PRELID2: variants seen among roughly 807,000 people sequenced by gnomAD.
PRELID2 encodes PRELI domain-containing protein 2.
A neutral mutation model predicts 28.4 loss-of-function variants in PRELID2; 25 were observed. That is an observed-to-expected ratio of 0.88 (90% confidence interval 0.64 to 1.23). PRELID2 has a LOEUF of 1.23. Ranked by LOEUF, PRELID2 falls within the 50% of genes most tolerant of loss-of-function variation. PRELID2 has a pLI of 0.00. For missense variants in PRELID2, 201 were observed against 214.4 expected (o/e 0.94, Z 0.39); for synonymous variants, 76 against 71.6 (o/e 1.06, Z -0.31).
At chr5:145,803,388 T>C (rs978156395) in intron 4 of PRELID2, among the ~76,000 whole-genome samples, 10 of 123,138 alleles carry the variant, frequency 8.1e-5, no homozygotes, top group East Asian at 2.6e-4. Flanking sequence ...AACATGTGTA[T>C]TTATACGTGT....
the PRELID2 span, among the ~76,000 whole-genome samples, chr5:145,298,666 G>A: frequency 0.4 from 61,155 of 151,804 alleles, 13,307 homozygotes; most frequent in African/African-American, 0.57. Flanking sequence ...GACAAATGCC[G>A]GTACGTGTCA....
intron 1 of PRELID2, among the ~76,000 whole-genome samples, chr5:145,676,214 C>T (rs1198266078): frequency 1.5e-5 from 2 of 131,296 alleles, no homozygotes; most frequent in African/African-American, 3.0e-5. Context: ...GAGCGAAACT[C>T]CATCTCAAAA....
At chr5:145,699,247 A>G (rs534505670) in intron 1 of PRELID2, among the ~76,000 whole-genome samples, 1 of 152,268 alleles carries the variant, frequency 6.6e-6, no homozygotes, top group South Asian at 2.1e-4. Context: ...GGGCAAAGCT[A>G]TGTGAATTAT....
At position 145,676,876 on chromosome 5, in the gene PRELID2, C is replaced by A. The variant is rs191849348; in HGVS notation, n.70+88055G>T. Among the ~76,000 whole-genome samples the A allele has an allele frequency of 1.1e-4, 17 of 152,172 alleles. No individual in the cohort carries two copies. The East Asian group carries it at 3.3e-3, about 29-fold the overall frequency. On this transcript the variant is annotated intron_variant and non_coding_transcript_variant, in intron 1 of 2. Coordinates refer to the PRELID2 transcript ENST00000510259. ...TTTAGACTACAAGAAACTCTACTGACAAAGTGACCAGATTTTTCAACAAAT... is the reference window on the plus strand; with the variant it reads ...TTTAGACTACAAGAAACTCTACTGAAAAAGTGACCAGATTTTTCAACAAAT...
the PRELID2 span, among the ~76,000 whole-genome samples, chr5:145,235,526 C>T: frequency 3.9e-5 from 6 of 152,244 alleles, no homozygotes; most frequent in South Asian, 1.2e-3. Flanking sequence ...GCACTCAAAT[C>T]GTCCCTGGTG....
chr5:145,515,876 C>A (rs902538521), intron 1 of PRELID2, among the ~76,000 whole-genome samples: 7 of 152,142 alleles, frequency 4.6e-5, no homozygotes, highest in African/African-American at 1.2e-4. Flanking sequence ...ATAAACAGAA[C>A]CAATGACAAA....
At chr5:145,341,928 G>A in the PRELID2 span, among the ~76,000 whole-genome samples, 1 of 152,134 alleles carries the variant, frequency 6.6e-6, no homozygotes, top group East Asian at 1.9e-4. Flanking sequence ...CAGATAAAAT[G>A]CAAAAGGATC....
intron 1 of PRELID2, among the ~76,000 whole-genome samples, chr5:145,682,766 G>A (rs544436251): frequency 9.9e-4 from 151 of 152,286 alleles, no homozygotes; most frequent in African/African-American, 3.3e-3. Context: ...ATAAATTAAA[G>A]AGCCCAGCAG....
intron 1 of PRELID2, among the ~76,000 whole-genome samples, chr5:145,547,382 T>C (rs1343242349): frequency 6.6e-6 from 1 of 152,134 alleles, no homozygotes; most frequent in Non-Finnish European, 1.5e-5. Flanking sequence ...ATTATCCACA[T>C]GGACCCGGCC....
the PRELID2 span, among the ~76,000 whole-genome samples, chr5:145,275,187 C>A: frequency 3.3e-5 from 5 of 151,946 alleles, no homozygotes; most frequent in Non-Finnish European, 5.9e-5. Context: ...AAACACAGGA[C>A]AAAAATTAAT....
chr5:145,686,406 T>G (rs1390157559), intron 1 of PRELID2, among the ~76,000 whole-genome samples: 1 of 152,114 alleles, frequency 6.6e-6, no homozygotes, highest in Non-Finnish European at 1.5e-5. Flanking sequence ...GCATAATAGA[T>G]GAAATTTCCC....
At chr5:145,615,318 C>CTTTT (rs1403386842) in intron 1 of PRELID2, among the ~76,000 whole-genome samples, 1 of 115,060 alleles carries the variant, frequency 8.7e-6, no homozygotes, top group African/African-American at 3.9e-5. Context: ...ATGTGAGTCT[C>CTTTT]TTTTTTTTGT....
chr5:145,784,144 C>T (rs1751830354), intron 5 of PRELID2, among the ~76,000 whole-genome samples: 1 of 150,596 alleles, frequency 6.6e-6, no homozygotes, highest in Non-Finnish European at 1.5e-5. Context: ...ATTAGCCGGG[C>T]ATGGTGGTGC....
the PRELID2 span, among the ~76,000 whole-genome samples, chr5:145,362,013 C>T: frequency 7.9e-5 from 12 of 152,170 alleles, no homozygotes; most frequent in African/African-American, 2.9e-4. Flanking sequence ...CATGATTCAA[C>T]AAGTACTTGG....
chr5:145,410,240 T>C, the PRELID2 span, among the ~76,000 whole-genome samples: 1 of 152,196 alleles, frequency 6.6e-6, no homozygotes, highest in Non-Finnish European at 1.5e-5. Flanking sequence ...CTCTTCTAGA[T>C]ATTGGCTTAG....
At chr5:145,638,461 A>G (rs1400085498) in intron 1 of PRELID2, among the ~76,000 whole-genome samples, 2 of 152,204 alleles carry the variant, frequency 1.3e-5, no homozygotes, top group Non-Finnish European at 2.9e-5. Flanking sequence ...ATTATTATCT[A>G]AAATTATTTT....
At chr5:145,796,640 A>C in intron 4 of PRELID2, 93 bp from the exon 5 acceptor site, 1 of 618,118 alleles carries the variant, frequency 1.6e-6, no homozygotes, top group Non-Finnish European at 2.7e-6. Flanking sequence ...ACCACTTATA[A>C]TCAATAAAAA....
At chr5:145,517,913 T>C (rs892269545) in intron 1 of PRELID2, among the ~76,000 whole-genome samples, 3 of 152,020 alleles carry the variant, frequency 2.0e-5, no homozygotes, top group Non-Finnish European at 2.9e-5. Context: ...ACATTGCATG[T>C]TCTCACTCAT....
chr5:145,479,599 G>A (rs139712083), intron 1 of PRELID2, among the ~76,000 whole-genome samples: 87 of 152,288 alleles, frequency 5.7e-4, no homozygotes, highest in African/African-American at 2.1e-3. Context: ...GTTCATTACT[G>A]CATCCTGAGC....
Sources: gnomAD v4.1 joint callset for allele counts (sites outside exome capture counted in the v4.1 genomes callset) on GRCh38, gnomAD v4.1.1 for gene constraint, MANE v1.5 for transcripts, NCBI Gene and HGNC (gene_info 2026-07-23, HGNC 2026-07-21) for gene names.